C1orf146: variants seen among roughly 807,000 people sequenced by gnomAD.
The protein encoded by C1orf146 is protein SPO16 homolog.
Under a neutral mutation model 23.0 loss-of-function variants are expected in C1orf146, and 22 were observed. That is an observed-to-expected ratio of 0.96 (90% CI 0.68 to 1.36). The LOEUF (loss-of-function observed/expected upper bound fraction) is 1.36. C1orf146 is among the 40% of genes most tolerant of loss of function. The probability of loss-of-function intolerance (pLI) is 0.00; values close to 1 mark genes in which losing one functional copy is unlikely to be tolerated. For synonymous variants in C1orf146, 59 were observed against 65.3 expected (o/e 0.90, Z 0.47); for missense variants, 199 against 206.8 (o/e 0.96, Z 0.23).
At chr1:92,244,959 G>T in intron 5 of C1orf146, 102 bp downstream of exon 5, 1 of 677,008 alleles carries the variant, frequency 1.5e-6, no homozygotes, top group Non-Finnish European at 2.5e-6. Flanking sequence ...TCATGCTTCT[G>T]TTCCCCTGCG....
chr1:92,234,431 T>C (rs1359567690), intron 2 of C1orf146, among the ~76,000 whole-genome samples: 1 of 152,248 alleles, frequency 6.6e-6, no homozygotes, highest in East Asian at 1.9e-4. Flanking sequence ...TTGCGTATAT[T>C]GAACCAGCCT....
Position 92,227,463 on chromosome 1 carries a change from C to T in C1orf146, c.-39-3919C>T, listed in dbSNP as rs565844214. Among the ~76,000 whole-genome samples, 9 of 152,056 alleles carry T rather than the reference C, an allele frequency of 5.9e-5. No individual in the cohort carries two copies. In the South Asian group the frequency reaches 1.9e-3, roughly 32 times the overall value. On this transcript the variant is annotated intron_variant, in intron 1 of 5. Transcript: ENST00000370375. ...CTGAGGCAGGAGAATGGCGTGAACC[C>T]GGGAGGCGGAGGTTGCAGTGAGCCG...
chr1:92,236,734 T>C (rs1652286979), intron 2 of C1orf146, among the ~76,000 whole-genome samples: 1 of 152,244 alleles, frequency 6.6e-6, no homozygotes, highest in Admixed American at 6.5e-5. Flanking sequence ...TCCCCGTCAC[T>C]TTCAGGTACA....
chr1:92,240,676 T>A (rs1414198376), intron 2 of C1orf146: 1 of 157,816 alleles, frequency 6.3e-6, no homozygotes, highest in Non-Finnish European at 1.4e-5. Context: ...GAGTTTTATT[T>A]ATTATTTTTA....
At chr1:92,229,824 A>G (rs1652065411) in intron 1 of C1orf146, among the ~76,000 whole-genome samples, 1 of 152,174 alleles carries the variant, frequency 6.6e-6, no homozygotes, top group Admixed American at 6.5e-5. Context: ...CTACAAATAT[A>G]TAAGAAAAAG....
intron 1 of C1orf146, among the ~76,000 whole-genome samples, chr1:92,221,683 T>G (rs1651820856): frequency 6.6e-6 from 1 of 152,230 alleles, no homozygotes; most frequent in African/African-American, 2.4e-5. Context: ...AAAGAGGTTA[T>G]TTTTCACTAT....
chr1:92,236,166 T>G (rs1043272410), intron 2 of C1orf146, among the ~76,000 whole-genome samples: 5 of 152,094 alleles, frequency 3.3e-5, no homozygotes, highest in South Asian at 2.1e-4. Flanking sequence ...GTTAGCTGGT[T>G]ATTTTGCTCG....
intron 2 of C1orf146, among the ~76,000 whole-genome samples, chr1:92,232,996 A>C (rs1176773524): frequency 6.6e-6 from 1 of 151,896 alleles, no homozygotes; most frequent in Non-Finnish European, 1.5e-5. Context: ...TTCATTGTAG[A>C]TTCTGGATAT....
At chr1:92,229,578 TC>T (rs1357878545) in intron 1 of C1orf146, 3 of 314,920 alleles carry the variant, frequency 9.5e-6, no homozygotes, top group Non-Finnish European at 1.9e-5. Context: ...GAGAAGGTCT[TC>T]CAACTCCAGT....
intron 1 of C1orf146, among the ~76,000 whole-genome samples, chr1:92,227,693 A>G (rs1184783368): frequency 6.6e-6 from 1 of 152,134 alleles, no homozygotes; most frequent in East Asian, 1.9e-4. Context: ...ATGATATCCT[A>G]TGTTGACAAT....
chr1:92,238,826 T>A (rs1652359425), intron 2 of C1orf146, among the ~76,000 whole-genome samples: 3 of 152,228 alleles, frequency 2.0e-5, no homozygotes, highest in African/African-American at 7.2e-5. Flanking sequence ...CCTATGTTAT[T>A]CTTTCTGTCC....
At chr1:92,232,203 C>A (rs953604920) in intron 2 of C1orf146, among the ~76,000 whole-genome samples, 29 of 151,990 alleles carry the variant, frequency 1.9e-4, no homozygotes, top group African/African-American at 7.0e-4. Flanking sequence ...TGGTGCGCTG[C>A]ACCCACTAAC....
chr1:92,236,978 C>G lies in C1orf146; in HGVS notation c.67-5234C>G, dbSNP rs376046472. Among the ~76,000 whole-genome samples the G allele has an allele frequency of 3.3e-5, 5 of 152,174 alleles. No homozygotes were observed. The East Asian group carries it at 9.6e-4, about 29-fold the overall frequency. The stretch of plus-strand genomic sequence containing the variant: ...GCTCCATCAGCTCCTTTAAGCACTT[C>G]TCTGTATTGTTTATTCTAGTTATAC... On this transcript the variant is annotated intron_variant, in intron 2 of 5. Coordinates refer to ENST00000370375, the MANE Select transcript of C1orf146 (RefSeq NM_001012425.2).
At chr1:92,241,442 T>C (rs183543590) in intron 2 of C1orf146, among the ~76,000 whole-genome samples, 136 of 152,042 alleles carry the variant, frequency 8.9e-4, no homozygotes, top group African/African-American at 3.1e-3. Flanking sequence ...ACTCAAATGA[T>C]CCACCAGCCT....
intron 5 of C1orf146, 44 bp from the exon 6 acceptor site, chr1:92,245,496 C>T (rs747953303): frequency 2.0e-6 from 3 of 1,480,250 alleles, no homozygotes; most frequent in Middle Eastern, 1.8e-4. Flanking sequence ...TGTGAAAATA[C>T]CTTATTTCTG....
chr1:92,242,171 A>C, intron 2 of C1orf146, 41 bp from the exon 3 acceptor site: 235 of 1,035,836 alleles, frequency 2.3e-4, no homozygotes, highest in Non-Finnish European at 3.1e-4. Flanking sequence ...TACAATTGTA[A>C]GCATGCCTTA....
At chr1:92,227,309 G>A (rs1315437318) in intron 1 of C1orf146, among the ~76,000 whole-genome samples, 3 of 152,108 alleles carry the variant, frequency 2.0e-5, no homozygotes, top group East Asian at 1.9e-4. Context: ...TTGGGAGGCC[G>A]AGGCGGGCGG....
intron 1 of C1orf146, among the ~76,000 whole-genome samples, chr1:92,227,284 T>C (rs1206346299): frequency 6.6e-6 from 1 of 152,170 alleles, no homozygotes; most frequent in Non-Finnish European, 1.5e-5. Flanking sequence ...GGCTCAAGCC[T>C]GTAATTCCAG....
At chr1:92,219,595 C>T (rs956731703) in intron 1 of C1orf146, among the ~76,000 whole-genome samples, 2 of 148,486 alleles carry the variant, frequency 1.3e-5, no homozygotes, top group African/African-American at 5.0e-5. Flanking sequence ...CCTCCACCTC[C>T]TGGGTGTGCA....
Sources: gnomAD v4.1 joint callset for allele counts (sites outside exome capture counted in the v4.1 genomes callset) on GRCh38, gnomAD v4.1.1 for gene constraint, MANE v1.5 for transcripts, NCBI Gene and HGNC (gene_info 2026-07-23, HGNC 2026-07-21) for gene names.